Variants in SNX18 observed in about 807,000 individuals in gnomAD.
The protein encoded by SNX18 is sorting nexin 18.
In SNX18, 35 loss-of-function variants were observed where a neutral mutation model predicts 48.7. The observed-to-expected ratio is 0.72, with a 90% CI of 0.55 to 0.95. SNX18 has a LOEUF of 0.95. SNX18 is among the 40% of genes least tolerant of loss of function. The probability of loss-of-function intolerance (pLI) is 0.00; values close to 1 mark genes in which losing one functional copy is unlikely to be tolerated. For synonymous variants in SNX18, 492 were observed against 384.7 expected (o/e 1.28, Z -3.26); for missense variants, 824 against 871.0 (o/e 0.95, Z 0.68).
In SNX18 at chr5:54,543,163, T is replaced by C; in HGVS notation, c.1622-16T>C. ...GGATATATAGGTTTTTAATTAATTGTTATTTTTAACTACAGGAGCTCTTAC... is the reference window on the plus strand; with the variant it reads ...GGATATATAGGTTTTTAATTAATTGCTATTTTTAACTACAGGAGCTCTTAC... On this transcript the variant is annotated splice_polypyrimidine_tract_variant and intron_variant, in intron 1 of 1. Transcript: ENST00000381410. 1 of 1,602,282 alleles carries C rather than the reference T, an allele frequency of 6.2e-7. No individual in the cohort carries two copies. Among genetic ancestry groups the C allele is most frequent in the South Asian group, 1.1e-5 (1 of 88,924 alleles).
chr5:54,541,742 C>T (rs1398228512), intron 1 of SNX18, among the ~76,000 whole-genome samples: 1 of 152,176 alleles, frequency 6.6e-6, no homozygotes, highest in Non-Finnish European at 1.5e-5. Context: ...TGCACACCTA[C>T]ACGTACATAT....
chr5:54,558,076 A>G, the SNX18 span, among the ~76,000 whole-genome samples: 5 of 152,232 alleles, frequency 3.3e-5, no homozygotes, highest in East Asian at 9.7e-4. Context: ...TGAGGCAGAT[A>G]TAATTGACCT....
chr5:54,588,789 A>G, the SNX18 span, among the ~76,000 whole-genome samples: 2 of 152,194 alleles, frequency 1.3e-5, no homozygotes, highest in Non-Finnish European at 2.9e-5. Context: ...TTGCAAAGGT[A>G]TGATATCATC....
the SNX18 span, among the ~76,000 whole-genome samples, chr5:54,585,731 C>T: frequency 3.2e-4 from 49 of 151,992 alleles, no homozygotes; most frequent in African/African-American, 1.1e-3. Flanking sequence ...CGGCCGGGCG[C>T]GGTGGCTCAC....
the SNX18 span, among the ~76,000 whole-genome samples, chr5:54,632,649 C>T: frequency 7.5e-4 from 114 of 152,230 alleles, no homozygotes; most frequent in African/African-American, 2.6e-3. Context: ...CAACTACCAG[C>T]GAGGTCTGCT....
chr5:54,539,823 T>C (rs1249713266), intron 1 of SNX18, among the ~76,000 whole-genome samples: 1 of 37,988 alleles, frequency 2.6e-5, no homozygotes, highest in Non-Finnish European at 5.0e-5. Flanking sequence ...GTCTTTGGGT[T>C]TTTTTGTTTT....
At chr5:54,556,148 A>G in the SNX18 span, among the ~76,000 whole-genome samples, 1 of 152,192 alleles carries the variant, frequency 6.6e-6, no homozygotes, top group Non-Finnish European at 1.5e-5. Context: ...CTAATTTTTT[A>G]TTATGAATGA....
the SNX18 span, among the ~76,000 whole-genome samples, chr5:54,554,554 G>A: frequency 6.6e-6 from 1 of 152,162 alleles, no homozygotes; most frequent in African/African-American, 2.4e-5. Context: ...TTCATTATAT[G>A]AATTAAATTC....
downstream of SNX18, among the ~76,000 whole-genome samples, chr5:54,551,559 G>A (rs752197931): frequency 5.5e-4 from 84 of 152,228 alleles, no homozygotes; most frequent in Non-Finnish European, 1.0e-3. Context: ...TGATACTGCC[G>A]TTACGTTCAT....
the SNX18 span, among the ~76,000 whole-genome samples, chr5:54,589,649 G>A: frequency 3.3e-5 from 5 of 152,208 alleles, no homozygotes; most frequent in South Asian, 2.1e-4. Context: ...CCAACAGGCC[G>A]TGAGCTTGGA....
the SNX18 span, among the ~76,000 whole-genome samples, chr5:54,612,701 G>A: frequency 2.6e-5 from 4 of 152,158 alleles, no homozygotes; most frequent in Non-Finnish European, 4.4e-5. Flanking sequence ...GTTTTCCAAA[G>A]CTGCAGCCAT....
the SNX18 span, among the ~76,000 whole-genome samples, chr5:54,570,946 G>A: frequency 6.6e-6 from 1 of 152,156 alleles, no homozygotes; most frequent in African/African-American, 2.4e-5. Flanking sequence ...AATGCTTCCA[G>A]TTCTCCAGCC....
At chr5:54,566,742 C>A in the SNX18 span, among the ~76,000 whole-genome samples, 4 of 152,194 alleles carry the variant, frequency 2.6e-5, no homozygotes, top group Non-Finnish European at 4.4e-5. Context: ...CATATGGCCA[C>A]ACCTAACTGT....
chr5:54,586,124 T>C, the SNX18 span, among the ~76,000 whole-genome samples: 148 of 151,966 alleles, frequency 9.7e-4, 1 homozygote, highest in African/African-American at 3.5e-3. Context: ...TTCCTAAAGG[T>C]AAACCTTCCT....
the SNX18 span, among the ~76,000 whole-genome samples, chr5:54,630,808 G>A: frequency 6.8e-6 from 1 of 148,032 alleles, no homozygotes; most frequent in Non-Finnish European, 1.5e-5. Context: ...CTGCAGCCTG[G>A]GCGACAGAGC....
intron 1 of SNX18, among the ~76,000 whole-genome samples, chr5:54,529,694 T>A (rs911815051): frequency 6.6e-6 from 1 of 152,146 alleles, no homozygotes; most frequent in Non-Finnish European, 1.5e-5. Flanking sequence ...GGAGTGGGTA[T>A]GACAGCAGTG....
chr5:54,590,533 G>A, the SNX18 span, among the ~76,000 whole-genome samples: 1 of 152,164 alleles, frequency 6.6e-6, no homozygotes, highest in Non-Finnish European at 1.5e-5. Flanking sequence ...ACTGGCAGGA[G>A]TGTAGCTAGT....
the SNX18 span, among the ~76,000 whole-genome samples, chr5:54,603,727 C>T: frequency 6.6e-6 from 1 of 152,198 alleles, no homozygotes; most frequent in Non-Finnish European, 1.5e-5. Context: ...TCCATTCTTA[C>T]TGAAAAACGT....
chr5:54,582,072 G>T, the SNX18 span, among the ~76,000 whole-genome samples: 6 of 152,208 alleles, frequency 3.9e-5, no homozygotes, highest in Admixed American at 2.6e-4. Flanking sequence ...CCCTGGCAAG[G>T]CCTGGGAACA....
Sources: allele counts gnomAD v4.1 joint callset (sites outside exome capture counted in the v4.1 genomes callset), GRCh38; gene constraint gnomAD v4.1.1; transcripts MANE v1.5; gene names NCBI Gene and HGNC (gene_info 2026-07-23, HGNC 2026-07-21).